Variants in MYO7A observed in about 807,000 individuals in gnomAD.
The protein encoded by MYO7A is myosin VIIA.
Under a neutral mutation model 263.8 loss-of-function variants are expected in MYO7A, and 210 were observed. The ratio of observed to expected loss-of-function variants is 0.80; its 90% CI spans 0.71 to 0.89. The LOEUF (loss-of-function observed/expected upper bound fraction) is 0.89, where lower values mean the gene tolerates loss of function less well. Among genes scored for constraint, MYO7A ranks in the 40% least tolerant of loss-of-function variants. The pLI is 0.00. For missense variants in MYO7A, 2,820 were observed against 2,968.3 expected (o/e 0.95, Z 1.16); for synonymous variants, 1,239 against 1,197.3 (o/e 1.03, Z -0.72).
At position 77,180,487 on chromosome 11, in the gene MYO7A, C is replaced by T; in HGVS notation, c.2694+6C>T. On this transcript the variant is annotated splice_donor_region_variant and intron_variant, in intron 22 of 48. Transcript: ENST00000409709. The stretch of plus-strand genomic sequence containing the variant: ...AGGCCGAGCGCAAGCATCAGGTGAG[C>T]TGAGAGCCTCCAGGCACCTTAGGTG... 1 of 1,610,406 alleles carries T rather than the reference C, an allele frequency of 6.2e-7. No individual in the cohort carries two copies. The highest frequency in any genetic ancestry group is 8.5e-7 in the Non-Finnish European group (1 of 1,178,458).
chr11:77,181,923 T>C (rs1460305612), intron 23 of MYO7A, 28 bp from the exon 24 acceptor site: 4 of 1,608,720 alleles, frequency 2.5e-6, no homozygotes, highest in Non-Finnish European at 3.4e-6. Flanking sequence ...TAGCTGGGAC[T>C]CCAGGGCATA....
At chr11:77,164,189 A>G (rs1471666909) in intron 14 of MYO7A, among the ~76,000 whole-genome samples, 2 of 152,176 alleles carry the variant, frequency 1.3e-5, no homozygotes, top group Non-Finnish European at 2.9e-5. Flanking sequence ...ACACAGGCTT[A>G]TCTCACCTGG....
In MYO7A at chr11:77,207,355, C is replaced by T. The variant is rs1957516566; in HGVS notation, c.5809C>T (p.Leu1937Phe). 6 of 1,612,532 alleles carry T rather than the reference C, an allele frequency of 3.7e-6. No homozygotes were observed. The highest frequency in any genetic ancestry group is 5.1e-6 in the Non-Finnish European group (6 of 1,179,310). Residue 1937 changes from leucine to phenylalanine, a missense_variant, in exon 42 of 49, where the codon CTC (leucine) becomes TTC (phenylalanine). Transcript: ENST00000409709. Reference protein sequence around the residue: ...FCQNIATRLLLKSSEGFSLFV... With the variant: ...FCQNIATRLLFKSSEGFSLFV... ...CCAGAACATCGCCACCAGGCTGCTC[C>T]TCAAGTCCTCAGAGGGATTCAGCCT...
At chr11:77,190,578 T>TGCTGGGGCCTGGAGA in intron 29 of MYO7A, 119 bp from the exon 30 acceptor site, 1 of 1,049,178 alleles carries the variant, frequency 9.5e-7, no homozygotes, top group Non-Finnish European at 1.4e-6. Context: ...CCCAGTGAGG[T>TGCTGGGGCCTGGAGA]ACTGGGGCCT....
chr11:77,173,582 A>AGGTTAAGGG (rs1954339765), intron 16 of MYO7A, among the ~76,000 whole-genome samples: 1 of 152,050 alleles, frequency 6.6e-6, no homozygotes, highest in South Asian at 2.1e-4. Flanking sequence ...CCTCGCTGCG[A>AGGTTAAGGG]GCCCTCTCCT....
rs1957904595 is a variant in MYO7A, at chr11:77,211,832, C to G, written c.6249C>G (p.Ala2083=). 1.2e-6 allele frequency: 2 copies of G among 1,613,850 alleles called. No homozygotes were observed. The highest frequency in any genetic ancestry group is 2.2e-5 in the South Asian group (2 of 91,076). The part of the protein sequence containing the change: ...SPDDWKRSIV[A]YFNKHAGKSK... ...CCCTGTCCCCATAGTCCATCGTCGC[C>G]TACTTCAACAAGCACGCAGGGAAGT... is the stretch of plus-strand genomic sequence containing the variant. Residue 2083 remains alanine (A), a synonymous_variant, in exon 46 of 49, where the codon GCC becomes GCG. Coordinates refer to ENST00000409709, the MANE Select transcript of MYO7A (RefSeq NM_000260.4).
At position 77,199,639 on chromosome 11, in the gene MYO7A, G is replaced by C; in HGVS notation, c.4673G>C (p.Trp1558Ser). Reference protein sequence around the residue: ...LTPAGPCSPCWSCRGAKTTAP... With the variant: ...LTPAGPCSPCSSCRGAKTTAP... The stretch of plus-strand genomic sequence containing the variant: ...CCGGCGGGGCCCTGTTCTCCGTGTT[G>C]GTCCTGCAGGGGAGCGAAAACGACG... The change falls in exon 35 of 49, where the codon TGG (tryptophan) becomes TCG (serine). Residue 1558 changes from tryptophan to serine, a missense_variant. By Grantham distance (177) the Trp-to-Ser change is radical (BLOSUM62 -3). Transcript: ENST00000409709. 6.2e-7 allele frequency: 1 copy of C among 1,611,560 alleles called. No individual in the cohort carries two copies. The highest frequency in any genetic ancestry group is 1.1e-5 in the South Asian group (1 of 90,492).
At chr11:77,180,598 C>T in intron 22 of MYO7A, 117 bp downstream of exon 22, 1 of 833,140 alleles carries the variant, frequency 1.2e-6, no homozygotes, top group Non-Finnish European at 1.9e-6. Context: ...TTCAGAATGG[C>T]CACACTAGAC....
rs782778181 is a variant in MYO7A, at chr11:77,179,719, G to T, written c.2368-16G>T. ...TGGGACAGCAGGCTCTGAGCATGGG[G>T]TGGCTGTCCTTGCAGATGCGTCTGG... On this transcript the variant is annotated splice_polypyrimidine_tract_variant and intron_variant, in intron 20 of 48. Transcript: ENST00000409709. The T allele has an allele frequency of 2.6e-6, 4 of 1,520,944 alleles. No individual in the cohort carries two copies. The highest frequency in any genetic ancestry group is 1.7e-4 in the Middle Eastern group (1 of 5,828). The allele number at this position is 1,520,944 out of a possible 1,614,324, so 94.2% of individuals were successfully genotyped here. A position where few individuals can be genotyped will look rare whatever the true frequency, so the allele number is the denominator to read the frequency against.
At chr11:77,173,650 G>A (rs1297804965) in intron 16 of MYO7A, among the ~76,000 whole-genome samples, 4 of 152,148 alleles carry the variant, frequency 2.6e-5, no homozygotes, top group Non-Finnish European at 5.9e-5. Flanking sequence ...GAGGCACAGG[G>A]GGAAGCTGGG....
At chr11:77,151,364 C>T (rs1169626202) in intron 4 of MYO7A, among the ~76,000 whole-genome samples, 3 of 152,230 alleles carry the variant, frequency 2.0e-5, no homozygotes, top group Non-Finnish European at 2.9e-5. Flanking sequence ...CTAGGCACAA[C>T]AGGGAGACTG....
chr11:77,208,158 G>A (rs968346690), intron 42 of MYO7A, among the ~76,000 whole-genome samples: 1 of 152,202 alleles, frequency 6.6e-6, no homozygotes, highest in Admixed American at 6.5e-5. Flanking sequence ...CAGGGGCTGG[G>A]CCGCATTCTT....
At chr11:77,129,494 G>T (rs1391400858) in intron 1 of MYO7A, among the ~76,000 whole-genome samples, 2 of 152,188 alleles carry the variant, frequency 1.3e-5, no homozygotes, top group East Asian at 3.9e-4. Flanking sequence ...TGTAGGCTGG[G>T]GCTGCCTTTT....
Position 77,179,137 on chromosome 11 carries a change from T to A in MYO7A, c.2367+8T>A. ...AGGAAGAACTACGGGCTGGTGAGCC[T>A]CCCCATGGGCTGCTCTTGCCCAAAC... is the stretch of plus-strand genomic sequence containing the variant. On this transcript the variant is annotated splice_region_variant and intron_variant, in intron 20 of 48. Coordinates refer to ENST00000409709, the MANE Select transcript of MYO7A (RefSeq NM_000260.4). The A allele has an allele frequency of 6.3e-7, 1 of 1,592,192 alleles. No individual in the cohort carries two copies. The highest frequency in any genetic ancestry group is 8.6e-7 in the Non-Finnish European group (1 of 1,169,518).
chr11:77,134,233 C>T (rs577259955), intron 2 of MYO7A, among the ~76,000 whole-genome samples: 18 of 152,222 alleles, frequency 1.2e-4, no homozygotes, highest in African/African-American at 4.1e-4. Flanking sequence ...ATCTGGCCTA[C>T]AAATAACATC....
At chr11:77,132,767 G>A (rs1449869228) in intron 2 of MYO7A, among the ~76,000 whole-genome samples, 2 of 152,162 alleles carry the variant, frequency 1.3e-5, no homozygotes, top group African/African-American at 2.4e-5. Flanking sequence ...GATTACAGGC[G>A]TGAGCCACCG....
At chr11:77,205,116 A>T (rs534901510) in intron 39 of MYO7A, among the ~76,000 whole-genome samples, 1 of 152,344 alleles carries the variant, frequency 6.6e-6, no homozygotes, top group South Asian at 2.1e-4. Flanking sequence ...TCATGGAGAA[A>T]GTCTTGCTAT....
At position 77,197,931 on chromosome 11, in the gene MYO7A, C is replaced by A. The variant is rs4945158; in HGVS notation, c.4441+333C>A. ...CGGTAGCGACTCCATGGCACATCTT[C>A]TGTGCTCAGTGGTGCACGGGATTGA... is the stretch of plus-strand genomic sequence containing the variant. On this transcript the variant is annotated intron_variant, in intron 33 of 48. Transcript: ENST00000409709. Among the ~76,000 whole-genome samples the A allele has an allele frequency of 0.58, 88,727 of 152,138 alleles. 26,338 individuals carry two copies. Among genetic ancestry groups the A allele is most frequent in the African/African-American group, 0.68 (28,129 of 41,478 alleles).
intron 15 of MYO7A, 48 bp downstream of exon 15, chr11:77,166,210 A>G: frequency 6.6e-7 from 1 of 1,518,830 alleles, no homozygotes; most frequent in South Asian, 1.1e-5. Context: ...CCCACGGGCC[A>G]GGCCTGAGTC....
Sources: gnomAD v4.1 joint callset for allele counts (sites outside exome capture counted in the v4.1 genomes callset) on GRCh38, gnomAD v4.1.1 for gene constraint, MANE v1.5 for transcripts, NCBI Gene and HGNC (gene_info 2026-07-23, HGNC 2026-07-21) for gene names.